Variants in PTPRD observed in about 807,000 individuals in gnomAD.
PTPRD encodes the protein protein tyrosine phosphatase receptor type D, also known as receptor-type tyrosine-protein phosphatase delta.
Under a neutral mutation model 214.5 loss-of-function variants are expected in PTPRD, and 34 were observed. That is an observed-to-expected ratio of 0.16 (90% CI 0.12 to 0.21). The LOEUF (loss-of-function observed/expected upper bound fraction) is 0.21, where lower values mean the gene tolerates loss of function less well. Ranked by LOEUF, PTPRD falls within the 10% of genes least tolerant of loss-of-function variation. The pLI is 1.00. For missense variants in PTPRD, 2,545 were observed against 2,398.7 expected (o/e 1.06, Z -1.27); for synonymous variants, 1,128 against 845.7 (o/e 1.33, Z -5.79).
chr9:8,714,494 T>C (rs899349303), intron 12 of PTPRD, among the ~76,000 whole-genome samples: 2 of 152,202 alleles, frequency 1.3e-5, no homozygotes, highest in African/African-American at 4.8e-5. Context: ...GACCTCCAGA[T>C]AGCTTGGTGC....
intron 14 of PTPRD, among the ~76,000 whole-genome samples, chr9:8,537,341 G>GA (rs562790816): frequency 9.0e-4 from 135 of 149,772 alleles, no homozygotes; most frequent in Admixed American, 3.6e-3. Context: ...ATATAAAGCA[G>GA]AAAAAAAAAC....
At chr9:9,122,429 T>C (rs956721129) in intron 10 of PTPRD, among the ~76,000 whole-genome samples, 6 of 152,196 alleles carry the variant, frequency 3.9e-5, no homozygotes, top group Non-Finnish European at 5.9e-5. Context: ...TCAGCAAATG[T>C]CCTAAATTTA....
chr9:10,213,265 A>C (rs1446362104), intron 3 of PTPRD, among the ~76,000 whole-genome samples: 1 of 152,134 alleles, frequency 6.6e-6, no homozygotes, highest in Non-Finnish European at 1.5e-5. Flanking sequence ...TCAAAACATT[A>C]TAAAATAGAG....
intron 11 of PTPRD, among the ~76,000 whole-genome samples, chr9:8,964,255 G>C (rs978743762): frequency 9.0e-6 from 1 of 111,008 alleles, no homozygotes; most frequent in Non-Finnish European, 1.7e-5. Flanking sequence ...GGTCTGTTCA[G>C]TGTTTCAAAT....
At chr9:9,679,589 A>G (rs1043371427) in intron 7 of PTPRD, among the ~76,000 whole-genome samples, 1 of 151,908 alleles carries the variant, frequency 6.6e-6, no homozygotes, top group Non-Finnish European at 1.5e-5. Context: ...ACAGAATGAC[A>G]ACTGCAAATA....
intron 4 of PTPRD, among the ~76,000 whole-genome samples, chr9:9,983,175 T>C (rs1407820295): frequency 6.6e-6 from 1 of 152,148 alleles, no homozygotes; most frequent in East Asian, 1.9e-4. Context: ...TGGATTACAC[T>C]GGGAAAGAGG....
Position 9,915,665 on chromosome 9 carries a change from G to C in PTPRD, c.-368+22842C>G, listed in dbSNP as rs528480506. 9.3e-5 allele frequency among the ~76,000 whole-genome samples: 14 copies of C among 150,928 alleles called. No individual in the cohort carries two copies. In the South Asian group the frequency reaches 2.9e-3, roughly 32 times the overall value. ...AAACAAATTTCTGACCTTGAAAACAGATCTTTTTAAATGAACCAGGAAAAA... is the reference window on the plus strand; with the variant it reads ...AAACAAATTTCTGACCTTGAAAACACATCTTTTTAAATGAACCAGGAAAAA... On this transcript the variant is annotated intron_variant, in intron 5 of 45. Coordinates refer to ENST00000381196, the MANE Select transcript of PTPRD (RefSeq NM_002839.4).
At chr9:9,156,417 TCAC>T (rs984541838) in intron 10 of PTPRD, among the ~76,000 whole-genome samples, 29 of 151,476 alleles carry the variant, frequency 1.9e-4, no homozygotes, top group African/African-American at 7.0e-4. Flanking sequence ...TCATACTTGC[TCAC>T]CTTTTTATAA....
chr9:8,939,793 A>C (rs748058356), intron 11 of PTPRD, among the ~76,000 whole-genome samples: 3 of 152,168 alleles, frequency 2.0e-5, no homozygotes, highest in Non-Finnish European at 4.4e-5. Flanking sequence ...CAATGTAATA[A>C]ATACTGATGA....
At chr9:9,915,119 T>C (rs2080328597) in intron 5 of PTPRD, among the ~76,000 whole-genome samples, 1 of 152,158 alleles carries the variant, frequency 6.6e-6, no homozygotes, top group Admixed American at 6.5e-5. Flanking sequence ...CAAATGCCTT[T>C]AGCATGGGTT....
chr9:10,234,341 A>G (rs1173549668), intron 3 of PTPRD, among the ~76,000 whole-genome samples: 1 of 151,954 alleles, frequency 6.6e-6, no homozygotes, highest in East Asian at 1.9e-4. Flanking sequence ...CGGAACACAT[A>G]TTTTGTAAAT....
At chr9:9,746,760 T>C (rs950089740) in intron 6 of PTPRD, among the ~76,000 whole-genome samples, 1 of 151,778 alleles carries the variant, frequency 6.6e-6, no homozygotes, top group Non-Finnish European at 1.5e-5. Flanking sequence ...AATGTCCATC[T>C]TGGGTCACAG....
chr9:9,433,022 C>A (rs1482214168), intron 8 of PTPRD, among the ~76,000 whole-genome samples: 3 of 152,036 alleles, frequency 2.0e-5, no homozygotes, highest in Non-Finnish European at 4.4e-5. Flanking sequence ...GTGTGTGTTT[C>A]CGAATGCAAG....
chr9:9,840,029 T>A (rs1456659461), intron 5 of PTPRD, among the ~76,000 whole-genome samples: 1 of 151,926 alleles, frequency 6.6e-6, no homozygotes, highest in South Asian at 2.1e-4. Context: ...ATGGTTGGTT[T>A]TTATTATTAT....
At chr9:8,864,282 A>C (rs772293814) in intron 11 of PTPRD, among the ~76,000 whole-genome samples, 24 of 152,214 alleles carry the variant, frequency 1.6e-4, no homozygotes, top group Non-Finnish European at 2.6e-4. Flanking sequence ...GTACTGCAGC[A>C]TTTGTTTAAA....
intron 2 of PTPRD, among the ~76,000 whole-genome samples, chr9:10,342,422 C>T (rs527422892): frequency 4.4e-4 from 67 of 152,130 alleles, no homozygotes; most frequent in African/African-American, 1.5e-3. Context: ...TAAAACATGT[C>T]TTAATTCAGA....
At chr9:9,866,410 T>C (rs1380577526) in intron 5 of PTPRD, among the ~76,000 whole-genome samples, 1 of 152,148 alleles carries the variant, frequency 6.6e-6, no homozygotes, top group Non-Finnish European at 1.5e-5. Flanking sequence ...GTGGTGGCCA[T>C]AAATATGTTT....
rs140693845 is a variant in PTPRD, at chr9:9,346,945, G to T, written c.-203+50504C>A. 3.2e-4 allele frequency among the ~76,000 whole-genome samples: 48 copies of T among 152,076 alleles called. 1 individual carries two copies. The East Asian group carries it at 7.2e-3, about 23-fold the overall frequency. On this transcript the variant is annotated intron_variant, in intron 9 of 45. Transcript: ENST00000381196. ...TGATCTCTGGTGATCCGCCCACCTCGGCCTTCTAAAGTGCTGGGATTACAG... is the reference window on the plus strand; with the variant it reads ...TGATCTCTGGTGATCCGCCCACCTCTGCCTTCTAAAGTGCTGGGATTACAG...
At chr9:9,611,387 T>C (rs1729486950) in intron 7 of PTPRD, among the ~76,000 whole-genome samples, 1 of 152,156 alleles carries the variant, frequency 6.6e-6, no homozygotes, top group South Asian at 2.1e-4. Context: ...TTTTCAAATT[T>C]TGCAAGAAAA....
Sources: allele counts gnomAD v4.1 joint callset (sites outside exome capture counted in the v4.1 genomes callset), GRCh38; gene constraint gnomAD v4.1.1; transcripts MANE v1.5; gene names NCBI Gene and HGNC (gene_info 2026-07-23, HGNC 2026-07-21).